The following TMCO5A variants were observed in gnomAD, a reference collection of about 807,000 sequenced individuals.
TMCO5A encodes the protein transmembrane and coiled-coil domain-containing protein 5A.
In TMCO5A, 34 loss-of-function variants were observed where a neutral mutation model predicts 42.3. That is an observed-to-expected ratio of 0.80 (90% CI 0.61 to 1.07). TMCO5A has a LOEUF of 1.07. TMCO5A is among the 50% of genes least tolerant of loss of function. TMCO5A has a pLI of 0.00. For synonymous variants in TMCO5A, 131 were observed against 115.6 expected (o/e 1.13, Z -0.86); for missense variants, 357 against 327.9 (o/e 1.09, Z -0.69).
chr15:38,003,254 T>TCTCTCTCTCTCTCTCTCTCTCTCCC, the TMCO5A span, among the ~76,000 whole-genome samples: 3 of 150,790 alleles, frequency 2.0e-5, no homozygotes, highest in African/African-American at 7.4e-5. Flanking sequence ...CTCTGTCTCC[T>TCTCTCTCTCTCTCTCTCTCTCTCCC]CCCATCACTC....
the TMCO5A span, among the ~76,000 whole-genome samples, chr15:37,979,361 G>A: frequency 2.6e-5 from 4 of 151,972 alleles, no homozygotes; most frequent in East Asian, 1.9e-4. Context: ...AGTTCTGTCC[G>A]AGGGCAGTGC....
At chr15:37,974,249 G>T in the TMCO5A span, among the ~76,000 whole-genome samples, 2 of 152,028 alleles carry the variant, frequency 1.3e-5, no homozygotes, top group East Asian at 3.8e-4. Flanking sequence ...GCCAGGTTTT[G>T]GTATCAGGAA....
chr15:38,022,639 A>T, the TMCO5A span, among the ~76,000 whole-genome samples: 1 of 152,122 alleles, frequency 6.6e-6, no homozygotes, highest in Non-Finnish European at 1.5e-5. Flanking sequence ...CCTAATGTAA[A>T]TCCATAGTTT....
downstream of TMCO5A, among the ~76,000 whole-genome samples, chr15:37,952,088 G>A (rs1213739392): frequency 1.3e-5 from 2 of 152,130 alleles, no homozygotes; most frequent in African/African-American, 4.8e-5. Context: ...GAGAATTGCT[G>A]ATCCCAGCTG....
In TMCO5A at chr15:37,936,320, G is replaced by A. The variant is rs1343756934; in HGVS notation, c.-4G>A. On this transcript the variant is annotated 5_prime_UTR_variant, in exon 3 of 12. Transcript: ENST00000319669. ...TTGGGGGCTGAGTCTATAGGTCGGA[G>A]AAAATGGAAATCTCAAGATTGGCTC... is the stretch of plus-strand genomic sequence containing the variant. 1 of 1,609,354 alleles carries A rather than the reference G, an allele frequency of 6.2e-7. No individual in the cohort carries two copies.
chr15:38,028,013 A>T, the TMCO5A span, among the ~76,000 whole-genome samples: 5 of 152,156 alleles, frequency 3.3e-5, no homozygotes, highest in Non-Finnish European at 5.9e-5. Context: ...AAAACAGACT[A>T]ATACCCATGG....
At chr15:38,001,564 T>A in the TMCO5A span, among the ~76,000 whole-genome samples, 2 of 151,972 alleles carry the variant, frequency 1.3e-5, no homozygotes, top group African/African-American at 4.8e-5. Context: ...TGTATCCTGA[T>A]TGTTTTGTGG....
chr15:38,012,731 G>A, the TMCO5A span, among the ~76,000 whole-genome samples: 2 of 152,180 alleles, frequency 1.3e-5, no homozygotes, highest in Non-Finnish European at 2.9e-5. Context: ...ATGTTCATGT[G>A]TGAGCTTGGT....
At chr15:37,935,669 T>C (rs1889485009) in intron 2 of TMCO5A, among the ~76,000 whole-genome samples, 1 of 152,112 alleles carries the variant, frequency 6.6e-6, no homozygotes, top group African/African-American at 2.4e-5. Context: ...CAAAATACTC[T>C]AGAGTTACCA....
At chr15:37,942,101 G>A (rs1408890430) in intron 8 of TMCO5A, 90 bp from the exon 9 acceptor site, 3 of 1,192,100 alleles carry the variant, frequency 2.5e-6, no homozygotes, top group Admixed American at 3.9e-5. Context: ...AAGCATTCAT[G>A]GTATCATGTA....
chr15:37,980,492 T>C, the TMCO5A span, among the ~76,000 whole-genome samples: 4 of 152,142 alleles, frequency 2.6e-5, no homozygotes, highest in Non-Finnish European at 5.9e-5. Flanking sequence ...CCGTTCTCCA[T>C]GAGTTGTGTT....
the TMCO5A span, among the ~76,000 whole-genome samples, chr15:38,007,791 G>A: frequency 6.6e-6 from 1 of 151,126 alleles, no homozygotes; most frequent in Non-Finnish European, 1.5e-5. Flanking sequence ...TTAACAGAGG[G>A]TGGGGAGGCC....
At chr15:38,013,927 C>T in the TMCO5A span, among the ~76,000 whole-genome samples, 1 of 152,128 alleles carries the variant, frequency 6.6e-6, no homozygotes, top group Non-Finnish European at 1.5e-5. Flanking sequence ...CTATTTTTAG[C>T]TTCTAAAGGT....
the TMCO5A span, among the ~76,000 whole-genome samples, chr15:37,996,102 G>A: frequency 6.6e-6 from 1 of 152,132 alleles, no homozygotes; most frequent in Admixed American, 6.5e-5. Flanking sequence ...AGATAAAAAG[G>A]AACAAAATCA....
chr15:37,956,853 C>A (rs1273216321), intron 11 of TMCO5A, among the ~76,000 whole-genome samples: 3 of 152,132 alleles, frequency 2.0e-5, no homozygotes, highest in Non-Finnish European at 4.4e-5. Flanking sequence ...AAAATACTGG[C>A]AAACCAAATC....
the TMCO5A span, among the ~76,000 whole-genome samples, chr15:37,979,225 C>T: frequency 2.0e-5 from 3 of 152,046 alleles, no homozygotes; most frequent in East Asian, 1.9e-4. Context: ...CGTAAGGCAG[C>T]GGTGCTGTGC....
chr15:37,960,125 C>T (rs1890385469), intron 11 of TMCO5A, among the ~76,000 whole-genome samples: 1 of 151,884 alleles, frequency 6.6e-6, no homozygotes, highest in South Asian at 2.1e-4. Context: ...GTATACACTG[C>T]ACTACATTTG....
intron 11 of TMCO5A, among the ~76,000 whole-genome samples, chr15:37,950,265 G>C (rs1347864972): frequency 1.3e-5 from 1 of 78,554 alleles, no homozygotes; most frequent in African/African-American, 2.9e-5. Context: ...ACTTTTAATA[G>C]AAAATATAAG....
chr15:38,018,886 T>C, the TMCO5A span, among the ~76,000 whole-genome samples: 1 of 152,180 alleles, frequency 6.6e-6, no homozygotes, highest in Non-Finnish European at 1.5e-5. Flanking sequence ...GGCATGGAAC[T>C]TCTTACATAC....
Sources: allele counts gnomAD v4.1 joint callset (sites outside exome capture counted in the v4.1 genomes callset), GRCh38; gene constraint gnomAD v4.1.1; transcripts MANE v1.5; gene names NCBI Gene and HGNC (gene_info 2026-07-23, HGNC 2026-07-21).